MRAP2: variants seen among roughly 807,000 people sequenced by gnomAD.
MRAP2 encodes melanocortin 2 receptor accessory protein 2.
Under a neutral mutation model 17.4 loss-of-function variants are expected in MRAP2, and 20 were observed. The ratio of observed to expected loss-of-function variants is 1.15; its 90% CI spans 0.81 to 1.67. The LOEUF is 1.67. Among genes scored for constraint, MRAP2 ranks in the 40% most tolerant of loss-of-function variants. The pLI is 0.00. For missense variants in MRAP2, 238 were observed against 240.0 expected, an observed-to-expected ratio of 0.99 and a Z score of 0.05; for synonymous variants, 96 against 88.4, an observed-to-expected ratio of 1.09 and a Z score of -0.48.
At chr6:84,144,740 G>T in the MRAP2 span, among the ~76,000 whole-genome samples, 3 of 152,168 alleles carry the variant, frequency 2.0e-5, no homozygotes, top group Middle Eastern at 6.8e-3. Flanking sequence ...AACTGATGAA[G>T]AATTCTTTTT....
At chr6:84,069,992 G>C (rs1264756861) in intron 3 of MRAP2, among the ~76,000 whole-genome samples, 2 of 151,438 alleles carry the variant, frequency 1.3e-5, no homozygotes, top group Non-Finnish European at 2.9e-5. Context: ...TCTTTTCTTG[G>C]TTATTCTTGC....
the MRAP2 span, among the ~76,000 whole-genome samples, chr6:84,125,877 C>G: frequency 6.6e-6 from 1 of 152,170 alleles, no homozygotes; most frequent in Non-Finnish European, 1.5e-5. Context: ...GACTAATACA[C>G]TGTTCAAACC....
intron 3 of MRAP2, among the ~76,000 whole-genome samples, chr6:84,064,541 G>A (rs968617538): frequency 2.6e-5 from 4 of 152,160 alleles, no homozygotes; most frequent in Non-Finnish European, 4.4e-5. Flanking sequence ...AGGCTGGAGT[G>A]CAGTGGCGCC....
the MRAP2 span, among the ~76,000 whole-genome samples, chr6:84,100,566 C>T: frequency 1.3e-5 from 2 of 152,144 alleles, no homozygotes; most frequent in African/African-American, 4.8e-5. Context: ...CATGCCTGGC[C>T]AGAATCAGTT....
the MRAP2 span, among the ~76,000 whole-genome samples, chr6:84,129,920 G>A: frequency 6.6e-6 from 1 of 152,168 alleles, no homozygotes; most frequent in African/African-American, 2.4e-5. Flanking sequence ...AGTGGTGAGA[G>A]AGGGCATCCT....
At chr6:84,126,125 A>C in the MRAP2 span, among the ~76,000 whole-genome samples, 1 of 152,104 alleles carries the variant, frequency 6.6e-6, no homozygotes, top group African/African-American at 2.4e-5. Flanking sequence ...GTTTTTAGGA[A>C]TCCATCAATA....
the MRAP2 span, among the ~76,000 whole-genome samples, chr6:84,100,172 G>A: frequency 1.3e-5 from 2 of 152,124 alleles, no homozygotes; most frequent in East Asian, 1.9e-4. Flanking sequence ...GTCTTCTAAT[G>A]TTGTTCTTCC....
chr6:84,091,239 C>CTT (rs34508361), downstream of MRAP2, among the ~76,000 whole-genome samples: 4,460 of 107,948 alleles, frequency 0.041, 338 homozygotes, highest in African/African-American at 0.13. Context: ...AGTTTGTTAA[C>CTT]TTTTTTTTTT....
At chr6:84,092,610 A>G (rs940825596), downstream of MRAP2, among the ~76,000 whole-genome samples, 1 of 152,142 alleles carries the variant, frequency 6.6e-6, no homozygotes, top group Admixed American at 6.5e-5. Flanking sequence ...TGACCGACAT[A>G]AGATACTAGT....
At chr6:84,052,786 G>T in intron 1 of MRAP2, 2 of 985,068 alleles carry the variant, frequency 2.0e-6, no homozygotes, top group Non-Finnish European at 1.2e-6. Flanking sequence ...CTGTAGGCTG[G>T]CTCTGGTATT....
chr6:84,054,760 C>T (rs1041290288), intron 1 of MRAP2, among the ~76,000 whole-genome samples: 6 of 152,182 alleles, frequency 3.9e-5, no homozygotes, highest in African/African-American at 1.4e-4. Flanking sequence ...TCCCACAAAA[C>T]ATCTCGCCTC....
At chr6:84,122,514 C>G in the MRAP2 span, among the ~76,000 whole-genome samples, 1 of 151,944 alleles carries the variant, frequency 6.6e-6, no homozygotes, top group African/African-American at 2.4e-5. Flanking sequence ...AGACAAACAC[C>G]AGATAAAATC....
intron 3 of MRAP2, among the ~76,000 whole-genome samples, chr6:84,086,418 A>G (rs1043306493): frequency 3.9e-5 from 6 of 152,192 alleles, no homozygotes; most frequent in Non-Finnish European, 1.5e-5. Context: ...TGTGAGTGAG[A>G]ATTCCCACTT....
At chr6:84,076,224 A>AT (rs1253662556) in intron 3 of MRAP2, among the ~76,000 whole-genome samples, 1,876 of 136,702 alleles carry the variant, frequency 0.014, 20 homozygotes, top group South Asian at 0.03. Flanking sequence ...CACCCAGCTA[A>AT]TTTTTTTTTT....
chr6:84,036,135 T>C (rs1407318059), intron 1 of MRAP2, among the ~76,000 whole-genome samples: 2 of 152,100 alleles, frequency 1.3e-5, no homozygotes, highest in East Asian at 1.9e-4. Flanking sequence ...TCTTTTTTTT[T>C]TTTTAAATTT....
intron 3 of MRAP2, among the ~76,000 whole-genome samples, chr6:84,081,560 T>C (rs2099499003): frequency 6.6e-6 from 1 of 152,246 alleles, no homozygotes; most frequent in African/African-American, 2.4e-5. Context: ...GGCTCATGCC[T>C]ATAATCCCAG....
chr6:84,118,839 C>G, the MRAP2 span, among the ~76,000 whole-genome samples: 1 of 152,176 alleles, frequency 6.6e-6, no homozygotes, highest in Non-Finnish European at 1.5e-5. Context: ...ATATTTAAGT[C>G]TTTAACCTAA....
the MRAP2 span, among the ~76,000 whole-genome samples, chr6:84,098,980 A>C: frequency 6.6e-6 from 1 of 152,198 alleles, no homozygotes; most frequent in East Asian, 1.9e-4. Context: ...TTTTTTTAAT[A>C]GATATCATGC....
chr6:84,111,966 T>G, the MRAP2 span, among the ~76,000 whole-genome samples: 14 of 152,254 alleles, frequency 9.2e-5, no homozygotes, highest in East Asian at 2.5e-3. Flanking sequence ...ACTTGATCAT[T>G]GTGGATAAGC....
Sources: allele counts gnomAD v4.1 joint callset (sites outside exome capture counted in the v4.1 genomes callset), GRCh38; gene constraint gnomAD v4.1.1; transcripts MANE v1.5; gene names NCBI Gene and HGNC (gene_info 2026-07-23, HGNC 2026-07-21).